Variants in RNF214 observed in about 807,000 individuals in gnomAD.
RNF214 encodes ring finger protein 214.
In RNF214, 25 loss-of-function variants were observed where a neutral mutation model predicts 75.9. That is an observed-to-expected ratio of 0.33 (90% CI 0.24 to 0.46). RNF214 has a LOEUF of 0.46. Among genes scored for constraint, RNF214 ranks in the 20% least tolerant of loss-of-function variants. The pLI is 1.00. For missense variants in RNF214, 725 were observed against 857.5 expected (o/e 0.85, Z 1.93); for synonymous variants, 314 against 308.8 (o/e 1.02, Z -0.18).
chr11:117,276,012 G>A (rs946784144), intron 6 of RNF214, among the ~76,000 whole-genome samples: 3 of 152,118 alleles, frequency 2.0e-5, no homozygotes, highest in African/African-American at 7.2e-5. Flanking sequence ...AAACCAAATT[G>A]AACAGCATAT....
chr11:117,241,347 C>T (rs1352912800), intron 4 of RNF214, among the ~76,000 whole-genome samples: 5 of 151,352 alleles, frequency 3.3e-5, no homozygotes, highest in Admixed American at 6.6e-5. Flanking sequence ...TTTGGGAGGC[C>T]GAGGCGGGTA....
chr11:117,238,706 G>A lies in RNF214; in HGVS notation c.213G>A (p.Glu71=), dbSNP rs2032982874. The A allele has an allele frequency of 6.2e-7, 1 of 1,614,068 alleles. No individual in the cohort carries two copies. Among genetic ancestry groups the A allele is most frequent in the African/African-American group, 1.3e-5 (1 of 74,932 alleles). ...GAAATGTCCATTTGGAGCACTCAGA[G>A]CAGAATCCTGGTTCATCAGCAGGTG... ...NNRNVHLEHS[E]QNPGSSAGDT... is the part of the protein sequence containing the mutation. Residue 71 remains glutamate, a synonymous_variant, in exon 3 of 15, where the codon GAG becomes GAA. Coordinates refer to ENST00000300650, the MANE Select transcript of RNF214 (RefSeq NM_207343.4).
chr11:117,248,512 T>C (rs2033288407), intron 6 of RNF214, among the ~76,000 whole-genome samples: 1 of 152,252 alleles, frequency 6.6e-6, no homozygotes, highest in Non-Finnish European at 1.5e-5. Context: ...GTCAGACTGC[T>C]GAGTTAGCAA....
intron 6 of RNF214, among the ~76,000 whole-genome samples, chr11:117,251,451 G>A (rs1175947836): frequency 8.0e-6 from 1 of 124,800 alleles, no homozygotes; most frequent in Non-Finnish European, 1.7e-5. Flanking sequence ...CCTCCCTCCC[G>A]GACGGGGCGG....
intron 2 of RNF214, among the ~76,000 whole-genome samples, chr11:117,238,207 T>TTTC (rs1261429660): frequency 6.6e-6 from 1 of 152,100 alleles, no homozygotes; most frequent in Non-Finnish European, 1.5e-5. Flanking sequence ...GTACAGGAGT[T>TTTC]CGAGACCAGC....
chr11:117,280,384 ATC>A, intron 8 of RNF214, 125 bp downstream of exon 8: 1 of 715,044 alleles, frequency 1.4e-6, no homozygotes, highest in Non-Finnish European at 2.5e-6. Flanking sequence ...TTGTAAGGCT[ATC>A]TCTGTCTGCA....
intron 6 of RNF214, among the ~76,000 whole-genome samples, chr11:117,276,914 T>C (rs940432590): frequency 6.6e-6 from 1 of 152,258 alleles, no homozygotes; most frequent in Non-Finnish European, 1.5e-5. Flanking sequence ...GTAGGCTAGA[T>C]GGATTGACTC....
At chr11:117,244,273 C>A (rs1331314215) in intron 4 of RNF214, among the ~76,000 whole-genome samples, 172 bp from the exon 5 acceptor site, 2 of 152,126 alleles carry the variant, frequency 1.3e-5, no homozygotes, top group Non-Finnish European at 2.9e-5. Context: ...GAGCCACCAT[C>A]CCCAGCCAAT....
At chr11:117,281,237 C>T in intron 8 of RNF214, 77 bp from the exon 9 acceptor site, 1 of 1,011,228 alleles carries the variant, frequency 9.9e-7, no homozygotes, top group Non-Finnish European at 1.6e-6. Flanking sequence ...GCCTCTTGTG[C>T]TGGGATTACA....
At chr11:117,274,448 C>T (rs1012720574) in intron 6 of RNF214, among the ~76,000 whole-genome samples, 80 of 148,486 alleles carry the variant, frequency 5.4e-4, no homozygotes, top group African/African-American at 1.6e-3. Flanking sequence ...CTGTAACCTC[C>T]GCCTCCTGGG....
chr11:117,272,091 G>A (rs1472301603), intron 6 of RNF214, among the ~76,000 whole-genome samples: 6 of 152,130 alleles, frequency 3.9e-5, no homozygotes, highest in Non-Finnish European at 8.8e-5. Flanking sequence ...TGGTAGCCAG[G>A]CATGGTGGTA....
chr11:117,262,450 G>GCTCACAAAGC (rs2033688291), intron 6 of RNF214, among the ~76,000 whole-genome samples: 2 of 151,994 alleles, frequency 1.3e-5, no homozygotes. Context: ...ATATGTCATA[G>GCTCACAAAGC]CTCACTGGAG....
intron 6 of RNF214, among the ~76,000 whole-genome samples, chr11:117,248,328 G>A (rs1031563090): frequency 2.4e-4 from 36 of 152,212 alleles, no homozygotes; most frequent in African/African-American, 7.9e-4. Context: ...CGCCTGCCTC[G>A]GCCTCCCAAA....
At chr11:117,236,344 G>A (rs1427664159) in intron 2 of RNF214, among the ~76,000 whole-genome samples, 4 of 151,496 alleles carry the variant, frequency 2.6e-5, no homozygotes, top group South Asian at 2.1e-4. Flanking sequence ...CGCGATTTCC[G>A]CTCACTGCAA....
chr11:117,261,632 CTTTAT>C (rs1220141438), intron 6 of RNF214, among the ~76,000 whole-genome samples: 3 of 151,986 alleles, frequency 2.0e-5, no homozygotes, highest in South Asian at 2.1e-4. Context: ...CAGTGTATTA[CTTTAT>C]TTTATTTAAT....
chr11:117,259,389 C>G (rs148745758), intron 6 of RNF214, among the ~76,000 whole-genome samples: 1 of 152,320 alleles, frequency 6.6e-6, no homozygotes, highest in African/African-American at 2.4e-5. Context: ...AAGTGCAAGT[C>G]ATAAAGACTT....
chr11:117,258,210 A>T (rs542390368), intron 6 of RNF214, among the ~76,000 whole-genome samples: 4 of 152,024 alleles, frequency 2.6e-5, no homozygotes, highest in African/African-American at 4.8e-5. Flanking sequence ...CAGGGACTAC[A>T]GGTGCATGCC....
rs564817998 is a variant in RNF214, at chr11:117,285,252, T to C, written c.*101T>C. On this transcript the variant is annotated 3_prime_UTR_variant, in exon 15 of 15. Transcript: ENST00000300650. ...ATATTTATACAGTGACATATACTCA[T>C]GCCATGTACATTTTTATTATATAGG... 6.5e-6 allele frequency: 5 copies of C among 767,296 alleles called. No homozygotes were observed. In the African/African-American group the frequency reaches 8.7e-5, roughly 13 times the overall value. 47.5% of individuals were successfully genotyped at this position (767,296 alleles called of 1,614,324 possible).
At chr11:117,259,601 T>C (rs142378009) in intron 6 of RNF214, among the ~76,000 whole-genome samples, 11 of 152,324 alleles carry the variant, frequency 7.2e-5, no homozygotes, top group African/African-American at 2.4e-4. Flanking sequence ...GGTATTTCAT[T>C]GTGTGTGTTT....
Sources: allele counts gnomAD v4.1 joint callset (sites outside exome capture counted in the v4.1 genomes callset), GRCh38; gene constraint gnomAD v4.1.1; transcripts MANE v1.5; gene names NCBI Gene and HGNC (gene_info 2026-07-23, HGNC 2026-07-21).